GCNT2: variants seen among roughly 807,000 people sequenced by gnomAD.
The protein encoded by GCNT2 is N-acetyllactosaminide beta-1,6-N-acetylglucosaminyl-transferase.
Under a neutral mutation model 34.2 loss-of-function variants are expected in GCNT2, and 34 were observed. The observed-to-expected ratio is 1.00, with a 90% confidence interval of 0.76 to 1.32. The LOEUF is 1.32. Among genes scored for constraint, GCNT2 ranks in the 40% most tolerant of loss-of-function variants. The pLI is 0.00. For synonymous variants in GCNT2, 212 were observed against 188.0 expected, an observed-to-expected ratio of 1.13 and a Z score of -1.04; for missense variants, 584 against 489.4, an observed-to-expected ratio of 1.19 and a Z score of -1.82.
chr6:10,609,570 TA>T (rs1277336852), intron 3 of GCNT2, among the ~76,000 whole-genome samples: 15 of 152,204 alleles, frequency 9.9e-5, no homozygotes, highest in Admixed American at 9.8e-4. Context: ...GGCAAGATTG[TA>T]AAAGCTCTTA....
chr6:10,607,770 A>G (rs1037177784), intron 3 of GCNT2, among the ~76,000 whole-genome samples: 4 of 152,254 alleles, frequency 2.6e-5, no homozygotes, highest in African/African-American at 9.6e-5. Flanking sequence ...ATACTTTAAC[A>G]GCACTATGTA....
At chr6:10,531,573 T>C (rs866119073) in intron 3 of GCNT2, among the ~76,000 whole-genome samples, 1 of 152,200 alleles carries the variant, frequency 6.6e-6, no homozygotes, top group Non-Finnish European at 1.5e-5. Context: ...TTGTTTTAGA[T>C]ATTGGCATAC....
chr6:10,530,580 C>T (rs1232705497), intron 3 of GCNT2, among the ~76,000 whole-genome samples: 1 of 151,490 alleles, frequency 6.6e-6, no homozygotes, highest in Non-Finnish European at 1.5e-5. Flanking sequence ...AATCAAAAAT[C>T]TAAAGCATGG....
intron 3 of GCNT2, chr6:10,574,856 A>T: frequency 1.5e-6 from 1 of 688,622 alleles, no homozygotes; most frequent in South Asian, 1.4e-5. Context: ...AGTTGAACCC[A>T]GGCACCTTTC....
intron 3 of GCNT2, among the ~76,000 whole-genome samples, chr6:10,564,931 A>G (rs1763210923): frequency 6.6e-6 from 1 of 152,226 alleles, no homozygotes; most frequent in Non-Finnish European, 1.5e-5. Flanking sequence ...GAGAGAAGCC[A>G]GATCATTAGA....
At chr6:10,582,460 TAAATA>T (rs1764156435) in intron 3 of GCNT2, among the ~76,000 whole-genome samples, 1 of 126,852 alleles carries the variant, frequency 7.9e-6, no homozygotes, top group African/African-American at 3.1e-5. Flanking sequence ...ATATATATAA[TAAATA>T]TAATATATAC....
At chr6:10,546,525 G>A (rs1311639738) in intron 3 of GCNT2, among the ~76,000 whole-genome samples, 1 of 152,138 alleles carries the variant, frequency 6.6e-6, no homozygotes, top group Non-Finnish European at 1.5e-5. Context: ...CAGGCGTGGT[G>A]GCAGGTGCTT....
At chr6:10,569,235 C>CCACACACACACACACA (rs373362957) in intron 3 of GCNT2, among the ~76,000 whole-genome samples, 924 of 47,472 alleles carry the variant, frequency 0.019, 34 homozygotes, top group Non-Finnish European at 0.026. Context: ...ACTCCCCCCG[C>CCACACACACACACACA]CACACACACA....
intron 3 of GCNT2, among the ~76,000 whole-genome samples, chr6:10,531,129 C>T (rs1323606497): frequency 6.6e-6 from 1 of 151,986 alleles, no homozygotes; most frequent in Non-Finnish European, 1.5e-5. Context: ...GCTCAAATCC[C>T]ACAGCTAGTA....
intron 3 of GCNT2, among the ~76,000 whole-genome samples, chr6:10,592,424 G>A (rs1043805602): frequency 2.0e-5 from 3 of 152,176 alleles, no homozygotes; most frequent in African/African-American, 7.2e-5. Context: ...GATCACAGGG[G>A]AAGATTTTAA....
intron 3 of GCNT2, among the ~76,000 whole-genome samples, chr6:10,544,901 T>C (rs1256632244): frequency 6.6e-6 from 1 of 151,750 alleles, no homozygotes; most frequent in Non-Finnish European, 1.5e-5. Context: ...GCTGAGATTG[T>C]GCCACTGCAC....
At chr6:10,613,110 G>A (rs768405325) in intron 3 of GCNT2, among the ~76,000 whole-genome samples, 74 of 152,120 alleles carry the variant, frequency 4.9e-4, no homozygotes, top group Non-Finnish European at 1.5e-4. Context: ...GCAATTTCTG[G>A]AACTTGTTAC....
At chr6:10,543,089 G>C (rs957617945) in intron 3 of GCNT2, among the ~76,000 whole-genome samples, 1 of 151,036 alleles carries the variant, frequency 6.6e-6, no homozygotes, top group African/African-American at 2.4e-5. Flanking sequence ...TATATTTTTA[G>C]TAGAGACGGG....
chr6:10,589,159 CGT>C (rs1392829026), intron 3 of GCNT2, among the ~76,000 whole-genome samples: 2 of 48,924 alleles, frequency 4.1e-5, no homozygotes, highest in African/African-American at 1.5e-4. Flanking sequence ...GGTGTGTGTG[CGT>C]GTGGTGTGTG....
chr6:10,556,677 C>A, intron 3 of GCNT2: 1 of 1,614,160 alleles, frequency 6.2e-7, no homozygotes. Context: ...ATCACAGCCC[C>A]TTTATCTAAG....
At chr6:10,564,258 G>T (rs556838394) in intron 3 of GCNT2, among the ~76,000 whole-genome samples, 1 of 152,160 alleles carries the variant, frequency 6.6e-6, no homozygotes, top group Non-Finnish European at 1.5e-5. Flanking sequence ...TGAGTAATGT[G>T]CCCTGTTCCA....
intron 3 of GCNT2, among the ~76,000 whole-genome samples, chr6:10,552,795 G>A (rs1259778868): frequency 1.3e-5 from 2 of 151,986 alleles, no homozygotes; most frequent in African/African-American, 4.8e-5. Context: ...CTTAGGTCAG[G>A]GGAAAAAACA....
chr6:10,523,141 C>T (rs1284507775), intron 1 of GCNT2, among the ~76,000 whole-genome samples: 3 of 152,096 alleles, frequency 2.0e-5, no homozygotes. Flanking sequence ...AGCTTTCAGC[C>T]AGGCGCGGTG....
Position 10,594,199 on chromosome 6 carries a change from T to A in GCNT2, c.926-27152T>A, listed in dbSNP as rs542584501. Among the ~76,000 whole-genome samples, 70 of 152,316 alleles carry A rather than the reference T, an allele frequency of 4.6e-4. 2 individuals carry two copies. In the South Asian group the frequency reaches 0.012, roughly 27 times the overall value. Reference sequence around the variant, plus strand: ...TTTGCATTTCTAACAGTTTCCTGGGTTATCCTGCAGCTTCTCATCTGGGGG... The same window carrying A: ...TTTGCATTTCTAACAGTTTCCTGGGATATCCTGCAGCTTCTCATCTGGGGG... On this transcript the variant is annotated intron_variant, in intron 3 of 4. Transcript: ENST00000495262.
Sources: gnomAD v4.1 joint callset for allele counts (sites outside exome capture counted in the v4.1 genomes callset) on GRCh38, gnomAD v4.1.1 for gene constraint, MANE v1.5 for transcripts, NCBI Gene and HGNC (gene_info 2026-07-23, HGNC 2026-07-21) for gene names.